ADAM12: variants seen among roughly 807,000 people sequenced by gnomAD.
The protein encoded by ADAM12 is ADAM metallopeptidase domain 12.
A neutral mutation model predicts 106.4 loss-of-function variants in ADAM12; 70 were observed. That is an observed-to-expected ratio of 0.66 (90% confidence interval 0.54 to 0.80). The LOEUF is 0.80. Ranked by LOEUF, ADAM12 falls within the 30% of genes least tolerant of loss-of-function variation. The pLI is 0.00. For missense variants in ADAM12, 1,010 were observed against 1,171.9 expected (o/e 0.86, Z 2.02); for synonymous variants, 420 against 433.5 (o/e 0.97, Z 0.39).
At chr10:126,323,927 C>T (rs535368403) in intron 2 of ADAM12, among the ~76,000 whole-genome samples, 3 of 152,222 alleles carry the variant, frequency 2.0e-5, no homozygotes, top group South Asian at 2.1e-4. Flanking sequence ...TTAGGGGTTG[C>T]GCTATTTCAT....
chr10:126,158,152 G>A lies in ADAM12; in HGVS notation c.261-2847C>T, dbSNP rs552495071. 7.2e-5 allele frequency among the ~76,000 whole-genome samples: 11 copies of A among 152,338 alleles called. No individual in the cohort carries two copies. In the South Asian group the frequency reaches 1.0e-3, roughly 14 times the overall value. ...GATGGGGCTGAGAGGGGACATGGGT[G>A]AAGCTGCAGAGGAACAGGCAGAAGG... On this transcript the variant is annotated intron_variant, in intron 3 of 22. Transcript: ENST00000448723.
At chr10:126,204,184 C>T (rs1957754465) in intron 3 of ADAM12, among the ~76,000 whole-genome samples, 1 of 152,210 alleles carries the variant, frequency 6.6e-6, no homozygotes, top group Admixed American at 6.5e-5. Flanking sequence ...CCCCTGGCAG[C>T]CAGCTCCAGT....
chr10:126,371,273 T>C (rs768376979), intron 1 of ADAM12, among the ~76,000 whole-genome samples: 3 of 152,200 alleles, frequency 2.0e-5, no homozygotes, highest in Non-Finnish European at 4.4e-5. Flanking sequence ...TTCTATCCTA[T>C]GAAGAAAGAG....
chr10:126,048,176 G>T (rs906219349), intron 16 of ADAM12, among the ~76,000 whole-genome samples: 1 of 152,126 alleles, frequency 6.6e-6, no homozygotes, highest in Non-Finnish European at 1.5e-5. Flanking sequence ...GGATCAGGAA[G>T]AATAACTAAT....
chr10:126,298,098 C>A (rs1590748619), intron 2 of ADAM12, among the ~76,000 whole-genome samples: 1 of 152,016 alleles, frequency 6.6e-6, no homozygotes, highest in African/African-American at 2.4e-5. Context: ...CTAGCTTAGG[C>A]ACCAACCAAC....
Position 126,019,735 on chromosome 10 carries a change from G to C in ADAM12, c.2620C>G (p.Pro874Ala), listed in dbSNP as rs762300924. 5 of 1,614,144 alleles carry C rather than the reference G, an allele frequency of 3.1e-6. No homozygotes were observed. The East Asian group carries it at 1.1e-4, about 36-fold the overall frequency. Residue 874 changes from proline to alanine, a missense_variant, in exon 22 of 23, where the codon CCA (proline) becomes GCA (alanine). By Grantham distance (27) the Pro-to-Ala change is conservative. This residue lies in a region of ADAM12 where 615 missense variants were observed against 708.5 expected (regional missense o/e 0.87). Coordinates refer to ENST00000448723, the MANE Select transcript of ADAM12 (RefSeq NM_001288973.2). ...TRLTHALART[P>A]GQWETGLRLA... is the part of the protein sequence containing the mutation. ...CGGAGCCCAGTCTCCCATTGTCCTG[G>C]GGTCCTGGCCAAGGCATGAGTGAGC...
At chr10:126,035,187 C>T (rs896419662) in intron 21 of ADAM12, among the ~76,000 whole-genome samples, 3 of 152,022 alleles carry the variant, frequency 2.0e-5, no homozygotes, top group African/African-American at 4.8e-5. Context: ...AATGTGGGAA[C>T]GCAAATGTAT....
chr10:126,159,090 A>T (rs1000559410), intron 3 of ADAM12, among the ~76,000 whole-genome samples: 1 of 152,160 alleles, frequency 6.6e-6, no homozygotes, highest in Non-Finnish European at 1.5e-5. Flanking sequence ...CGGGCAGATC[A>T]CGAGGTCAGG....
chr10:126,111,399 T>A (rs977251417), intron 6 of ADAM12, among the ~76,000 whole-genome samples: 1 of 152,210 alleles, frequency 6.6e-6, no homozygotes, highest in African/African-American at 2.4e-5. Context: ...AGTGTGAAGA[T>A]CTTGCCCTTT....
At chr10:126,104,558 A>C (rs1443147242) in intron 8 of ADAM12, among the ~76,000 whole-genome samples, 1 of 152,104 alleles carries the variant, frequency 6.6e-6, no homozygotes. Flanking sequence ...CTTCCTAATG[A>C]ATAAGGAGGA....
chr10:126,262,171 T>C (rs888629847), intron 3 of ADAM12, among the ~76,000 whole-genome samples: 5 of 152,186 alleles, frequency 3.3e-5, no homozygotes, highest in Non-Finnish European at 7.3e-5. Flanking sequence ...TAATATCATA[T>C]AATATATAGT....
At chr10:126,346,900 T>G (rs1259324859) in intron 1 of ADAM12, among the ~76,000 whole-genome samples, 6 of 152,210 alleles carry the variant, frequency 3.9e-5, no homozygotes, top group Non-Finnish European at 7.3e-5. Flanking sequence ...ACCCTTTATT[T>G]TGAGCCTATG....
intron 3 of ADAM12, among the ~76,000 whole-genome samples, chr10:126,230,469 A>G (rs771335575): frequency 1.3e-5 from 2 of 152,156 alleles, no homozygotes; most frequent in Non-Finnish European, 1.5e-5. Flanking sequence ...CTTAATATGT[A>G]TTTCTAAACT....
intron 4 of ADAM12, among the ~76,000 whole-genome samples, chr10:126,153,729 C>T (rs773886063): frequency 1.3e-5 from 2 of 152,088 alleles, no homozygotes; most frequent in Non-Finnish European, 2.9e-5. Flanking sequence ...TCCATGAGGG[C>T]ATCTCATGTT....
chr10:126,039,085 G>A (rs1212868567), intron 19 of ADAM12, among the ~76,000 whole-genome samples: 3 of 146,132 alleles, frequency 2.1e-5, no homozygotes, highest in African/African-American at 2.5e-5. Context: ...TCAGCCTCCC[G>A]AGTAGATGGG....
intron 3 of ADAM12, among the ~76,000 whole-genome samples, chr10:126,216,458 A>G (rs577426352): frequency 5.9e-5 from 9 of 152,312 alleles, no homozygotes; most frequent in East Asian, 1.9e-4. Flanking sequence ...AAAGCTCTCA[A>G]TTTCGCCCCT....
rs190265182 is a variant in ADAM12 at position 126,203,349 on chromosome 10, C to T, written c.261-48044G>A. Among the ~76,000 whole-genome samples, 3 of 152,264 alleles carry T rather than the reference C, an allele frequency of 2.0e-5. No homozygotes were observed. In the East Asian group the frequency reaches 5.8e-4, roughly 29 times the overall value. On this transcript the variant is annotated intron_variant, in intron 3 of 22. Coordinates refer to ENST00000448723, the MANE Select transcript of ADAM12 (RefSeq NM_001288973.2). ...TTATAGTCTGAAGGAGAAGAAATAG[C>T]TTGGTTCAGTTGTTACTAAAATCAT...
chr10:126,262,498 G>T (rs1424298541), intron 3 of ADAM12, among the ~76,000 whole-genome samples: 1 of 152,124 alleles, frequency 6.6e-6, no homozygotes, highest in Non-Finnish European at 1.5e-5. Context: ...AAACAAATGT[G>T]TTCAAAAAGA....
chr10:126,045,800 T>G (rs1007791083), intron 17 of ADAM12, among the ~76,000 whole-genome samples: 2 of 152,158 alleles, frequency 1.3e-5, no homozygotes, highest in Non-Finnish European at 2.9e-5. Flanking sequence ...TCAAATTACT[T>G]TGAACAACAA....
Sources: gnomAD v4.1 joint callset for allele counts (sites outside exome capture counted in the v4.1 genomes callset) on GRCh38, gnomAD v4.1.1 for gene constraint, gnomAD v4.1.1 regional missense constraint, MANE v1.5 for transcripts, NCBI Gene and HGNC (gene_info 2026-07-23, HGNC 2026-07-21) for gene names.